Variants in MAN1C1 observed in about 807,000 individuals in gnomAD.
MAN1C1 encodes mannosyl-oligosaccharide 1,2-alpha-mannosidase IC.
Under a neutral mutation model 71.5 loss-of-function variants are expected in MAN1C1, and 49 were observed. That is an observed-to-expected ratio of 0.69 (90% CI 0.54 to 0.87). The LOEUF (loss-of-function observed/expected upper bound fraction) is 0.87, where lower values mean the gene tolerates loss of function less well. Among genes scored for constraint, MAN1C1 ranks in the 40% least tolerant of loss-of-function variants. MAN1C1 has a pLI of 0.00. For missense variants in MAN1C1, 743 were observed against 835.0 expected (o/e 0.89, Z 1.36); for synonymous variants, 352 against 343.7 (o/e 1.02, Z -0.27).
At chr1:25,644,518 ATTTTTTTTTT>A (rs1203077345) in intron 1 of MAN1C1, 4 of 40,286 alleles carry the variant, frequency 9.9e-5, no homozygotes, top group East Asian at 1.1e-3. Context: ...ATATATATAT[ATTTTTTTTTT>A]TTTTTTTTTT....
rs544010555 is a variant in MAN1C1, at chr1:25,712,351, C to G, written c.637+25815C>G. On this transcript the variant is annotated intron_variant, in intron 2 of 11. Coordinates refer to ENST00000374332, the MANE Select transcript of MAN1C1 (RefSeq NM_020379.4). ...ACTTGCTGTAAAGCCCCTGGGGAAGCCCCTGGGTGGGCTGCTCTCAGGGAG... is the reference window on the plus strand; with the variant it reads ...ACTTGCTGTAAAGCCCCTGGGGAAGGCCCTGGGTGGGCTGCTCTCAGGGAG... Among the ~76,000 whole-genome samples, 73 of 152,288 alleles carry G rather than the reference C, an allele frequency of 4.8e-4. No homozygotes were observed. In the South Asian group the frequency reaches 1.0e-2, roughly 21 times the overall value.
At chr1:25,742,393 C>G (rs1319594852) in intron 2 of MAN1C1, among the ~76,000 whole-genome samples, 1 of 152,184 alleles carries the variant, frequency 6.6e-6, no homozygotes, top group Non-Finnish European at 1.5e-5. Context: ...GTGATGGCCT[C>G]GGCAGCAGAT....
intron 2 of MAN1C1, among the ~76,000 whole-genome samples, chr1:25,742,475 C>T (rs536971563): frequency 1.3e-5 from 2 of 152,304 alleles, no homozygotes; most frequent in South Asian, 4.1e-4. Flanking sequence ...ATCTCACGCT[C>T]ACGTTGCCCT....
At chr1:25,632,466 C>A (rs981035980) in intron 1 of MAN1C1, among the ~76,000 whole-genome samples, 4 of 151,918 alleles carry the variant, frequency 2.6e-5, no homozygotes, top group Non-Finnish European at 5.9e-5. Context: ...TTTATTTCAT[C>A]TTTTGTATTT....
chr1:25,774,867 A>T (rs1172580740), intron 8 of MAN1C1, among the ~76,000 whole-genome samples: 2 of 150,684 alleles, frequency 1.3e-5, no homozygotes, highest in Non-Finnish European at 2.9e-5. Flanking sequence ...AGCTCCTTGC[A>T]CCGCTGCTTG....
At chr1:25,704,791 T>A (rs1018399724) in intron 2 of MAN1C1, among the ~76,000 whole-genome samples, 1 of 152,274 alleles carries the variant, frequency 6.6e-6, no homozygotes, top group African/African-American at 2.4e-5. Flanking sequence ...GTCATCCAGA[T>A]ACTCTGATTT....
At chr1:25,664,089 A>T (rs1031085553) in intron 1 of MAN1C1, among the ~76,000 whole-genome samples, 1 of 152,104 alleles carries the variant, frequency 6.6e-6, no homozygotes, top group African/African-American at 2.4e-5. Flanking sequence ...TGCATTCCCC[A>T]TAGAGACTAG....
chr1:25,768,046 A>C, intron 7 of MAN1C1, among the ~76,000 whole-genome samples: 1 of 78,126 alleles, frequency 1.3e-5, no homozygotes, highest in Non-Finnish European at 2.4e-5. Flanking sequence ...CCTCACATAC[A>C]TCCACACTCC....
At chr1:25,657,877 A>G (rs1302520929) in intron 1 of MAN1C1, among the ~76,000 whole-genome samples, 5 of 152,238 alleles carry the variant, frequency 3.3e-5, no homozygotes, top group Admixed American at 2.6e-4. Context: ...TTGAGGCCCC[A>G]GGGATATGAA....
chr1:25,627,725 A>G (rs900329634), intron 1 of MAN1C1, among the ~76,000 whole-genome samples: 1 of 152,082 alleles, frequency 6.6e-6, no homozygotes, highest in Non-Finnish European at 1.5e-5. Flanking sequence ...CAAATTTGTC[A>G]CTTTCCATGA....
At position 25,783,565 on chromosome 1, in the gene MAN1C1, C is replaced by CCCTGAGA. The variant is rs2047726367; in HGVS notation, c.1767-97_1767-96insCTGAGAC. 3 of 1,374,396 alleles carry CCCTGAGA rather than the reference C, an allele frequency of 2.2e-6. No individual in the cohort carries two copies. In the African/African-American group the frequency reaches 4.3e-5, roughly 20 times the overall value. 85.1% of individuals were successfully genotyped at this position (1,374,396 alleles called of 1,614,324 possible). On this transcript the variant is annotated intron_variant, in intron 11 of 11. Coordinates refer to ENST00000374332, the MANE Select transcript of MAN1C1 (RefSeq NM_020379.4). ...CAAGGCTCCAGACCTTGACCATAGGCCTATCACAAAGGCCCTGAGACTTGT... is the reference window on the plus strand; with the variant it reads ...CAAGGCTCCAGACCTTGACCATAGGCCCTGAGACTATCACAAAGGCCCTGAGACTTGT...
intron 1 of MAN1C1, among the ~76,000 whole-genome samples, chr1:25,677,128 TAAATATTTTGCACTAAA>T (rs970354204): frequency 3.3e-5 from 5 of 152,190 alleles, no homozygotes; most frequent in African/African-American, 1.2e-4. Flanking sequence ...CTCACACTAG[TAAATATTTTGCACTAAA>T]AAATTCCGTG....
At chr1:25,751,064 A>C (rs1572194335) in intron 4 of MAN1C1, among the ~76,000 whole-genome samples, 41 of 119,182 alleles carry the variant, frequency 3.4e-4, no homozygotes, top group Admixed American at 5.2e-4. Flanking sequence ...CCATCTTTCC[A>C]CCCTTCCCTC....
intron 2 of MAN1C1, among the ~76,000 whole-genome samples, chr1:25,722,433 A>G (rs1015415956): frequency 6.6e-6 from 1 of 152,100 alleles, no homozygotes; most frequent in Non-Finnish European, 1.5e-5. Context: ...CCTCCAATTT[A>G]TCTTCTGTTT....
chr1:25,651,102 G>A (rs1455416225), intron 1 of MAN1C1, among the ~76,000 whole-genome samples: 1 of 152,166 alleles, frequency 6.6e-6, no homozygotes, highest in South Asian at 2.1e-4. Flanking sequence ...AATAGGGGCC[G>A]CTCACCAACT....
intron 2 of MAN1C1, among the ~76,000 whole-genome samples, chr1:25,708,216 G>A (rs775988210): frequency 2.0e-5 from 3 of 152,230 alleles, no homozygotes; most frequent in Non-Finnish European, 4.4e-5. Flanking sequence ...GATTATTCAT[G>A]AGTTTTCCAG....
intron 1 of MAN1C1, among the ~76,000 whole-genome samples, chr1:25,669,484 C>A (rs952088336): frequency 6.6e-6 from 1 of 152,118 alleles, no homozygotes; most frequent in Admixed American, 6.5e-5. Context: ...AATACTGGCA[C>A]CATCGGGCAC....
intron 1 of MAN1C1, 58 bp downstream of exon 1, chr1:25,618,395 C>T: frequency 1.3e-6 from 2 of 1,498,424 alleles, no homozygotes; most frequent in Admixed American, 2.2e-5. Flanking sequence ...GAGAGAAGAC[C>T]CTCTGGCGCT....
intron 7 of MAN1C1, among the ~76,000 whole-genome samples, chr1:25,767,651 CCA>C (rs764816285): frequency 1.6e-5 from 2 of 125,714 alleles, no homozygotes; most frequent in Admixed American, 7.9e-5. Flanking sequence ...CACACTCCCC[CCA>C]CACACAGACC....
Sources: allele counts gnomAD v4.1 joint callset (sites outside exome capture counted in the v4.1 genomes callset), GRCh38; gene constraint gnomAD v4.1.1; transcripts MANE v1.5; gene names NCBI Gene and HGNC (gene_info 2026-07-23, HGNC 2026-07-21).